LCLAT1: variants seen among roughly 807,000 people sequenced by gnomAD.
LCLAT1 encodes the protein lysocardiolipin acyltransferase 1.
LCLAT1 carries 11 observed loss-of-function variants against 30.7 expected under a neutral mutation model. That is an observed-to-expected ratio of 0.36 (90% CI 0.23 to 0.59). The LOEUF (loss-of-function observed/expected upper bound fraction) is 0.59, where lower values mean the gene tolerates loss of function less well. Among genes scored for constraint, LCLAT1 ranks in the 20% least tolerant of loss-of-function variants. The pLI, the probability that LCLAT1 is intolerant of heterozygous loss-of-function variation, is 0.77. For synonymous variants in LCLAT1, 155 were observed against 151.3 expected, an observed-to-expected ratio of 1.02 and a Z score of -0.18; for missense variants, 402 against 458.6, an observed-to-expected ratio of 0.88 and a Z score of 1.13.
rs183116738 is a variant in LCLAT1 at position 30,629,358 on chromosome 2, G to A, written c.629-10759G>A. 8.3e-3 allele frequency among the ~76,000 whole-genome samples: 1,266 copies of A among 152,212 alleles called. 17 individuals carry two copies. Among genetic ancestry groups the A allele is most frequent in the Middle Eastern group, 0.02 (6 of 294 alleles). On this transcript the variant is annotated intron_variant, in intron 5 of 5. Coordinates refer to ENST00000379509, the MANE Select transcript of LCLAT1 (RefSeq NM_001002257.3). Reference sequence around the variant, plus strand: ...GTGGATCACCTGAGGTCCGGAGTTCGAGACCAGCCTGGCCAACGTGGCGAA... The same window carrying A: ...GTGGATCACCTGAGGTCCGGAGTTCAAGACCAGCCTGGCCAACGTGGCGAA...
At chr2:30,528,303 C>G (rs374716829) in intron 2 of LCLAT1, among the ~76,000 whole-genome samples, 1 of 152,306 alleles carries the variant, frequency 6.6e-6, no homozygotes, top group South Asian at 2.1e-4. Context: ...AGTTACCAAA[C>G]AAATTCTGCA....
intron 1 of LCLAT1, among the ~76,000 whole-genome samples, chr2:30,523,575 T>C (rs1312126698): frequency 1.3e-5 from 2 of 152,204 alleles, no homozygotes; most frequent in East Asian, 1.9e-4. Context: ...TCAGTAGAAA[T>C]TTAAAAATAG....
intron 5 of LCLAT1, among the ~76,000 whole-genome samples, chr2:30,600,884 A>C (rs1008644879): frequency 7.9e-5 from 12 of 151,932 alleles, no homozygotes; most frequent in Non-Finnish European, 1.5e-4. Flanking sequence ...ACGTTTTCCA[A>C]CTTGGTTCCA....
At chr2:30,488,125 G>C (rs1431114037) in intron 1 of LCLAT1, among the ~76,000 whole-genome samples, 1 of 152,188 alleles carries the variant, frequency 6.6e-6, no homozygotes, top group African/African-American at 2.4e-5. Context: ...GAAAAACCCT[G>C]TTTTCCTTAC....
At chr2:30,528,389 G>T (rs537485022) in intron 2 of LCLAT1, among the ~76,000 whole-genome samples, 1 of 152,172 alleles carries the variant, frequency 6.6e-6, no homozygotes, top group African/African-American at 2.4e-5. Context: ...TACAGTATTT[G>T]TACAGTTTCA....
At chr2:30,524,360 A>G (rs977811895) in intron 1 of LCLAT1, among the ~76,000 whole-genome samples, 4 of 152,224 alleles carry the variant, frequency 2.6e-5, no homozygotes, top group African/African-American at 9.7e-5. Flanking sequence ...ATTCTAATAT[A>G]AAGAATTAAT....
chr2:30,628,236 A>T (rs952106202), intron 5 of LCLAT1, among the ~76,000 whole-genome samples: 1 of 152,234 alleles, frequency 6.6e-6, no homozygotes, highest in Non-Finnish European at 1.5e-5. Flanking sequence ...AAGCTATGTG[A>T]AGAAAACTGA....
intron 5 of LCLAT1, among the ~76,000 whole-genome samples, chr2:30,573,799 T>G (rs894844694): frequency 6.6e-6 from 1 of 152,182 alleles, no homozygotes; most frequent in East Asian, 1.9e-4. Context: ...TTCTCAAGCC[T>G]TCAGCACAGG....
At chr2:30,515,514 A>G (rs1231221428) in intron 1 of LCLAT1, among the ~76,000 whole-genome samples, 1 of 152,214 alleles carries the variant, frequency 6.6e-6, no homozygotes, top group Non-Finnish European at 1.5e-5. Context: ...TTAAAGAATA[A>G]CGTACACAGT....
In LCLAT1 at chr2:30,568,046, A is replaced by C; in HGVS notation, c.512-14A>C. The C allele has an allele frequency of 7.5e-7, 1 of 1,335,054 alleles. No homozygotes were observed. Among genetic ancestry groups the C allele is most frequent in the Non-Finnish European group, 1.1e-6 (1 of 937,942 alleles). The allele number at this position is 1,335,054 out of a possible 1,614,324, so 82.7% of individuals were successfully genotyped here. On this transcript the variant is annotated splice_polypyrimidine_tract_variant and intron_variant, in intron 4 of 5. Coordinates refer to ENST00000379509, the MANE Select transcript of LCLAT1 (RefSeq NM_001002257.3). The stretch of plus-strand genomic sequence containing the variant: ...TTTAGTTTATGATTTATAATGGTCC[A>C]TTGTTTTGTTTAGAAAACAGCAAGT...
At chr2:30,540,335 A>G (rs1003793803) in intron 3 of LCLAT1, among the ~76,000 whole-genome samples, 1 of 152,228 alleles carries the variant, frequency 6.6e-6, no homozygotes. Flanking sequence ...ATATCATAGT[A>G]TTTAAGGATA....
chr2:30,523,559 C>G (rs747466946), intron 1 of LCLAT1, among the ~76,000 whole-genome samples: 22 of 152,264 alleles, frequency 1.4e-4, no homozygotes, highest in Middle Eastern at 6.8e-3. Context: ...CACGTACTGT[C>G]AAGTATCAGT....
chr2:30,590,357 T>C (rs1181373164), intron 5 of LCLAT1, among the ~76,000 whole-genome samples: 4 of 151,792 alleles, frequency 2.6e-5, no homozygotes, highest in Admixed American at 6.6e-5. Context: ...AATAGTTGAT[T>C]AGTTATTCCC....
At chr2:30,489,841 A>G (rs952913050) in intron 1 of LCLAT1, among the ~76,000 whole-genome samples, 2 of 152,202 alleles carry the variant, frequency 1.3e-5, no homozygotes, top group Non-Finnish European at 2.9e-5. Flanking sequence ...GCAACCCACC[A>G]TTACACTTAA....
At chr2:30,560,789 C>T (rs1253284871) in intron 3 of LCLAT1, among the ~76,000 whole-genome samples, 1 of 152,162 alleles carries the variant, frequency 6.6e-6, no homozygotes, top group Non-Finnish European at 1.5e-5. Flanking sequence ...GTTTATTATT[C>T]CTCTATTCCT....
At chr2:30,582,876 A>G (rs930345037) in intron 5 of LCLAT1, among the ~76,000 whole-genome samples, 1 of 152,330 alleles carries the variant, frequency 6.6e-6, no homozygotes, top group African/African-American at 2.4e-5. Flanking sequence ...CTCACCTTTT[A>G]TGCAGCCTTA....
chr2:30,565,575 G>T (rs1665445885), intron 4 of LCLAT1, among the ~76,000 whole-genome samples: 1 of 152,050 alleles, frequency 6.6e-6, no homozygotes, highest in East Asian at 1.9e-4. Flanking sequence ...CCCTGATTTG[G>T]AAAGATTCTA....
At chr2:30,519,382 C>G (rs948316038) in intron 1 of LCLAT1, among the ~76,000 whole-genome samples, 3 of 152,192 alleles carry the variant, frequency 2.0e-5, no homozygotes, top group African/African-American at 7.2e-5. Flanking sequence ...AAAGGCTCCC[C>G]TACCGAGGAA....
chr2:30,562,288 C>T lies in LCLAT1; in HGVS notation c.507C>T (p.Leu169=), dbSNP rs138684089. 495 of 1,603,822 alleles carry T rather than the reference C, an allele frequency of 3.1e-4. 3 individuals carry two copies. In the African/African-American group the frequency reaches 5.8e-3, roughly 19 times the overall value. The change falls in exon 4 of 6, where the codon CTC becomes CTT. Residue 169 remains leucine, a synonymous_variant. Transcript: ENST00000379509. ...QLLIFPEGTD[L]TENSKSRSNA... is the part of the protein sequence containing the mutation. ...TCATATTCCCAGAAGGGACTGATCT[C>T]ACAGGTAATGTAGCCTGGGTTTGGC...
Sources: gnomAD v4.1 joint callset for allele counts (sites outside exome capture counted in the v4.1 genomes callset) on GRCh38, gnomAD v4.1.1 for gene constraint, MANE v1.5 for transcripts, NCBI Gene and HGNC (gene_info 2026-07-23, HGNC 2026-07-21) for gene names.